Variants in IL4I1 observed in about 807,000 individuals in gnomAD.
The protein encoded by IL4I1 is interleukin 4 induced 1, also known as L-amino-acid oxidase.
A neutral mutation model predicts 29.7 loss-of-function variants in IL4I1; 24 were observed. The observed-to-expected ratio is 0.81, with a 90% confidence interval of 0.59 to 1.14. The LOEUF is 1.14. IL4I1 is among the 50% of genes most tolerant of loss of function. The pLI is 0.00. For missense variants in IL4I1, 686 were observed against 785.6 expected (o/e 0.87, Z 1.52); for synonymous variants, 371 against 352.5 (o/e 1.05, Z -0.59).
At chr19:49,920,323 C>T (rs1568717576) in intron 2 of IL4I1, among the ~76,000 whole-genome samples, 1 of 152,184 alleles carries the variant, frequency 6.6e-6, no homozygotes, top group African/African-American at 2.4e-5. Flanking sequence ...CCTTGAGATC[C>T]GCCCACCTCG....
intron 2 of IL4I1, among the ~76,000 whole-genome samples, chr19:49,926,143 T>C (rs914460958): frequency 3.0e-5 from 4 of 134,902 alleles, no homozygotes; most frequent in African/African-American, 1.2e-4. Context: ...TGGGAGGCGG[T>C]GGTTGCAGTG....
At chr19:49,891,338 C>T in intron 6 of IL4I1, 67 bp downstream of exon 6, 1 of 1,553,756 alleles carries the variant, frequency 6.4e-7, no homozygotes, top group Admixed American at 1.7e-5. Flanking sequence ...CCTTCTGACT[C>T]TCTGGGGAAG....
At chr19:49,897,950 G>A (rs1410149427), upstream of IL4I1, among the ~76,000 whole-genome samples, 2 of 152,230 alleles carry the variant, frequency 1.3e-5, no homozygotes, top group African/African-American at 4.8e-5. Flanking sequence ...GGCATGTGAC[G>A]CAGGGGCGGG....
chr19:49,902,172 G>A (rs571529485), intron 3 of IL4I1, among the ~76,000 whole-genome samples: 15 of 152,134 alleles, frequency 9.9e-5, no homozygotes, highest in African/African-American at 2.2e-4. Flanking sequence ...GCTAATTTTC[G>A]TATTTTTAGT....
chr19:49,890,572 G>A lies in IL4I1; in HGVS notation c.802C>T (p.Leu268=). Residue 268 remains leucine (L), a synonymous_variant, in exon 8 of 8, where the codon CTG becomes TTG. Transcript: ENST00000391826. Reference sequence around the variant, plus strand: ...GAGCTCAGCAGCGCGCGCGGCAGCAGGTCCCAGCCACCCACGATGCGGCTG... The same window carrying A: ...GAGCTCAGCAGCGCGCGCGGCAGCAAGTCCCAGCCACCCACGATGCGGCTG... ...QYSRIVGGWD[L]LPRALLSSLS... The A allele has an allele frequency of 1.3e-6, 2 of 1,584,756 alleles. No homozygotes were observed. Among genetic ancestry groups the A allele is most frequent in the African/African-American group, 1.3e-5 (1 of 74,610 alleles).
chr19:49,919,953 GGTCTCACTCT>G (rs1488351134), intron 2 of IL4I1, among the ~76,000 whole-genome samples: 1 of 151,952 alleles, frequency 6.6e-6, no homozygotes, highest in Non-Finnish European at 1.5e-5. Flanking sequence ...TCTAAGACAA[GGTCTCACTCT>G]GTCTCCCAGG....
chr19:49,901,620 C>T (rs752915141), upstream of IL4I1: 2 of 1,481,330 alleles, frequency 1.4e-6, no homozygotes, highest in Non-Finnish European at 9.0e-7. Context: ...ATCCCAGGGC[C>T]CCGGGTGGGG....
At chr19:49,911,959 G>C (rs965337873) in intron 2 of IL4I1, among the ~76,000 whole-genome samples, 1 of 152,200 alleles carries the variant, frequency 6.6e-6, no homozygotes, top group African/African-American at 2.4e-5. Flanking sequence ...ACCTCAAGCC[G>C]GTGTGTTGTT....
intron 2 of IL4I1, among the ~76,000 whole-genome samples, chr19:49,924,236 T>C (rs1429288005): frequency 6.6e-6 from 1 of 152,040 alleles, no homozygotes; most frequent in African/African-American, 2.4e-5. Flanking sequence ...CCCTTACCTC[T>C]CGGGACCTCA....
chr19:49,923,166 C>G (rs547079906), intron 2 of IL4I1, among the ~76,000 whole-genome samples: 36 of 152,228 alleles, frequency 2.4e-4, no homozygotes, highest in Admixed American at 1.1e-3. Context: ...CTGTGGGCCA[C>G]GTGGCAGCCT....
intron 2 of IL4I1, among the ~76,000 whole-genome samples, chr19:49,913,617 G>C (rs1423775884): frequency 6.6e-6 from 1 of 152,244 alleles, no homozygotes; most frequent in Admixed American, 6.5e-5. Context: ...CTGCAGAGGA[G>C]AGCTGGAAGC....
At chr19:49,894,513 G>A (rs1348923245) in intron 4 of IL4I1, 44 bp from the exon 5 acceptor site, 2 of 1,567,744 alleles carry the variant, frequency 1.3e-6, no homozygotes, top group South Asian at 1.1e-5. Flanking sequence ...TCCAGTGGGG[G>A]TGGCCTGGTC....
At chr19:49,919,151 C>T (rs1382396080) in intron 2 of IL4I1, among the ~76,000 whole-genome samples, 2 of 152,088 alleles carry the variant, frequency 1.3e-5, no homozygotes, top group East Asian at 3.8e-4. Flanking sequence ...GAAACTCGGT[C>T]TCAAAAAAAC....
rs1445224430 is a variant in IL4I1, at chr19:49,890,010, A to G, written c.1364T>C (p.Val455Ala). Residue 455 changes from valine to alanine, a missense_variant, in exon 8 of 8, where the codon GTG (valine) becomes GCG (alanine). By Grantham distance (64) the Val-to-Ala change is moderately conservative (BLOSUM62 0). Transcript: ENST00000391826. ...TTGCCAGAGCGCCGGCGGCTGTACC[A>G]CAAAGCCACCCTGGCTGTGCTGGTC... The part of the protein sequence containing the change: ...AEDQHSQGGF[V>A]VQPPALWQTE... The G allele has an allele frequency of 7.1e-6, 11 of 1,554,212 alleles. No homozygotes were observed. The highest frequency in any genetic ancestry group is 9.6e-6 in the Non-Finnish European group (11 of 1,149,092).
chr19:49,913,207 T>TA (rs1204316653), intron 2 of IL4I1: 4 of 152,358 alleles, frequency 2.6e-5, no homozygotes, highest in Admixed American at 6.5e-5. Flanking sequence ...CTCTGGGTGC[T>TA]AAGTGATCTG....
In IL4I1 at chr19:49,895,128, C is replaced by T. The variant is rs1294811420; in HGVS notation, c.305G>A (p.Arg102Gln). The T allele has an allele frequency of 9.3e-6, 15 of 1,613,706 alleles. No individual in the cohort carries two copies. Among genetic ancestry groups the T allele is most frequent in the African/African-American group, 8.0e-5 (6 of 74,842 alleles). The change falls in exon 4 of 8, where the codon CGG becomes CAG. Residue 102 changes from arginine to glutamine, a missense_variant. Coordinates refer to ENST00000391826, the MANE Select transcript of IL4I1 (RefSeq NM_152899.2). ...NRIGGRIFTY[R>Q]DQNTGWIGEL... The stretch of plus-strand genomic sequence containing the variant: ...CCCAATCCAGCCCGTGTTCTGGTCC[C>T]GGTAGGTGAAGATGCGGCCCCCGAT...
intron 3 of IL4I1, among the ~76,000 whole-genome samples, chr19:49,902,437 G>A (rs2075279628): frequency 6.8e-6 from 1 of 147,394 alleles, no homozygotes; most frequent in Non-Finnish European, 1.5e-5. Flanking sequence ...TCGGCTCACT[G>A]CAAGCTCCGG....
rs1347362507 is a variant in IL4I1 at position 49,922,648 on chromosome 19, G to T, written c.-228+5046C>A. 2.0e-5 allele frequency among the ~76,000 whole-genome samples: 3 copies of T among 151,726 alleles called. No individual in the cohort carries two copies. The East Asian group carries it at 5.8e-4, about 29-fold the overall frequency. On this transcript the variant is annotated intron_variant, in intron 2 of 9. Coordinates refer to the IL4I1 transcript ENST00000341114. Reference sequence around the variant, plus strand: ...AGCCTGAGTCCTGTCCACACTGGTGGTTTGCTGGGGTTTTCCAGGTTTTTC... The same window carrying T: ...AGCCTGAGTCCTGTCCACACTGGTGTTTTGCTGGGGTTTTCCAGGTTTTTC...
chr19:49,907,565 G>C (rs778271976), intron 2 of IL4I1: 1 of 407,214 alleles, frequency 2.5e-6, no homozygotes, highest in Non-Finnish European at 4.7e-6. Flanking sequence ...TTTTGAGACA[G>C]AGTCTCTGTT....
Sources: allele counts gnomAD v4.1 joint callset (sites outside exome capture counted in the v4.1 genomes callset), GRCh38; gene constraint gnomAD v4.1.1; transcripts MANE v1.5; gene names NCBI Gene and HGNC (gene_info 2026-07-23, HGNC 2026-07-21).